Variants in CYGB observed in about 807,000 individuals in gnomAD.
CYGB encodes the protein cytoglobin.
A neutral mutation model predicts 20.7 loss-of-function variants in CYGB; 13 were observed. The ratio of observed to expected loss-of-function variants is 0.63; its 90% CI spans 0.41 to 1.00. CYGB has a LOEUF of 1.00. Ranked by LOEUF, CYGB falls within the 50% of genes least tolerant of loss-of-function variation. The probability of loss-of-function intolerance (pLI) is 0.00; values close to 1 mark genes in which losing one functional copy is unlikely to be tolerated. For missense variants in CYGB, 218 were observed against 257.2 expected, an observed-to-expected ratio of 0.85 and a Z score of 1.04; for synonymous variants, 93 against 107.4, an observed-to-expected ratio of 0.87 and a Z score of 0.83.
chr17:76,532,278 G>A (rs557531140), intron 1 of CYGB, among the ~76,000 whole-genome samples: 18 of 152,264 alleles, frequency 1.2e-4, no homozygotes, highest in Admixed American at 4.6e-4. Flanking sequence ...CTGGCTCAGC[G>A]GCTTTACTTA....
intron 1 of CYGB, among the ~76,000 whole-genome samples, chr17:76,534,176 CTT>C (rs549304283): frequency 0.047 from 5,850 of 125,088 alleles, 116 homozygotes; most frequent in Middle Eastern, 0.074. Flanking sequence ...CTCTCTCTCT[CTT>C]TCTTTCTTTC....
At chr17:76,538,378 G>C (rs2074947685), upstream of CYGB, 1 of 372,828 alleles carries the variant, frequency 2.7e-6, no homozygotes, top group East Asian at 1.0e-4. Flanking sequence ...CGGAACTTGA[G>C]CGCACCTCCG....
intron 3 of CYGB, chr17:76,529,719 T>A: frequency 1.0e-6 from 1 of 984,938 alleles, no homozygotes; most frequent in Non-Finnish European, 1.2e-6. Context: ...TGACAGCTGG[T>A]GGGGGGTGAG....
chr17:76,540,949 C>G (rs965946585), upstream of CYGB, among the ~76,000 whole-genome samples: 1 of 152,230 alleles, frequency 6.6e-6, no homozygotes, highest in African/African-American at 2.4e-5. This position sits in a 1 kb window ranked among gnomAD's most constrained non-coding sequence, Gnocchi z 5.0. Flanking sequence ...TGCCCCCGCC[C>G]TGCCTCAGCT....
In CYGB at chr17:76,530,193, C is replaced by T. The variant is rs1302993883; in HGVS notation, c.539+786G>A. On this transcript the variant is annotated intron_variant, in intron 3 of 3. Coordinates refer to ENST00000293230, the MANE Select transcript of CYGB (RefSeq NM_134268.5). The surrounding 1 kb of genome is among the most constrained non-coding windows in gnomAD (Gnocchi z 6.1). Reference sequence around the variant, plus strand: ...GCTTCCCATTCCCGCCTCCGCTCCTCTCCTCCTTCCTACTCCAGCCCTGCC... The same window carrying T: ...GCTTCCCATTCCCGCCTCCGCTCCTTTCCTCCTTCCTACTCCAGCCCTGCC... Among the ~76,000 whole-genome samples, 1 of 152,166 alleles carries T rather than the reference C, an allele frequency of 6.6e-6. No individual in the cohort carries two copies. Among genetic ancestry groups the T allele is most frequent in the Non-Finnish European group, 1.5e-5 (1 of 68,020 alleles).
rs1314178344 is a variant in CYGB, at chr17:76,527,953, C to T, written c.*625G>A. 1 of 378,102 alleles carries T rather than the reference C, an allele frequency of 2.6e-6. No homozygotes were observed. The highest frequency in any genetic ancestry group is 2.1e-5 in the African/African-American group (1 of 47,834). The allele number at this position is 378,102 out of a possible 1,614,324, so 23.4% of individuals were successfully genotyped here. A position where few individuals can be genotyped will look rare whatever the true frequency, so the allele number is the denominator to read the frequency against. On this transcript the variant is annotated 3_prime_UTR_variant, in exon 4 of 4. Transcript: ENST00000293230. The stretch of plus-strand genomic sequence containing the variant: ...GGGCTTTGCCGCCAAGCCGGGTTGC[C>T]CCAGCCCTGCCCCTCCAGGCCCAGG...
At position 76,531,354 on chromosome 17, in the gene CYGB, C is replaced by T. The variant is rs2074839556; in HGVS notation, c.375+106G>A. On this transcript the variant is annotated intron_variant, in intron 2 of 3. Transcript: ENST00000293230. This position sits in a 1 kb window ranked among gnomAD's most constrained non-coding sequence, Gnocchi z 7.4. The stretch of plus-strand genomic sequence containing the variant: ...ACTGCCCCTCCCTCTCGCAGCCACT[C>T]CGGGGATCACCTCTGTTGCTCCAGA... 7.1e-7 allele frequency: 1 copy of T among 1,409,480 alleles called. No homozygotes were observed. The highest frequency in any genetic ancestry group is 1.3e-5 in the South Asian group (1 of 75,048). The allele number at this position is 1,409,480 out of a possible 1,614,324, so 87.3% of individuals were successfully genotyped here. A position where few individuals can be genotyped will look rare whatever the true frequency, so the allele number is the denominator to read the frequency against.
At chr17:76,547,977 C>T (rs1364846910) in intron 1 of CYGB, among the ~76,000 whole-genome samples, 1 of 151,702 alleles carries the variant, frequency 6.6e-6, no homozygotes, top group Non-Finnish European at 1.5e-5. Context: ...CATAAACATA[C>T]ACATACATAC....
At chr17:76,532,865 G>T (rs535403989) in intron 1 of CYGB, among the ~76,000 whole-genome samples, 6 of 152,240 alleles carry the variant, frequency 3.9e-5, no homozygotes, top group African/African-American at 1.4e-4. Context: ...TCCCCTCCCT[G>T]TCGGGGCTGG....
chr17:76,542,541 T>C (rs2075004411), upstream of CYGB: 1 of 1,614,136 alleles, frequency 6.2e-7, no homozygotes. Context: ...CCCAGTGCTT[T>C]CCTCTGTTTA....
chr17:76,540,266 T>TGGGGGGGGGGGGGG (rs2074974709), upstream of CYGB: 1 of 343,106 alleles, frequency 2.9e-6, no homozygotes. The surrounding 1 kb of genome is among the most constrained non-coding windows in gnomAD (Gnocchi z 5.0). Context: ...GGGGGGGGCA[T>TGGGGGGGGGGGGGG]GGGGCTGGGC....
Position 76,531,880 on chromosome 17 carries a change from A to G in CYGB, c.144-189T>C. On this transcript the variant is annotated intron_variant, in intron 1 of 3. Coordinates refer to ENST00000293230, the MANE Select transcript of CYGB (RefSeq NM_134268.5). This position sits in a 1 kb window ranked among gnomAD's most constrained non-coding sequence, Gnocchi z 7.4. Reference sequence around the variant, plus strand: ...CCTCTGGCCAAGCCGGCTCACCCCTACCAAGTCTGGCCATGTCTATCTGCC... The same window carrying G: ...CCTCTGGCCAAGCCGGCTCACCCCTGCCAAGTCTGGCCATGTCTATCTGCC... 1.8e-6 allele frequency: 1 copy of G among 551,248 alleles called. No homozygotes were observed. Among genetic ancestry groups the G allele is most frequent in the South Asian group, 2.4e-5 (1 of 42,410 alleles). The allele number at this position is 551,248 out of a possible 1,614,324, so 34.1% of individuals were successfully genotyped here.
At chr17:76,529,048 C>CCCCCA (rs2143066581) in intron 3 of CYGB, 2 of 431,364 alleles carry the variant, frequency 4.6e-6, no homozygotes, top group Non-Finnish European at 6.0e-6. Context: ...CATTGCGCCC[C>CCCCCA]CCCCCCACCC....
chr17:76,549,709 GATAT>G (rs1282863927), intron 1 of CYGB, among the ~76,000 whole-genome samples: 1 of 152,166 alleles, frequency 6.6e-6, no homozygotes, highest in Non-Finnish European at 1.5e-5. Context: ...AACACACTGA[GATAT>G]ATAAAGATAG....
chr17:76,547,665 ATT>A (rs1309754599), intron 1 of CYGB, among the ~76,000 whole-genome samples: 17 of 143,678 alleles, frequency 1.2e-4, no homozygotes, highest in African/African-American at 4.5e-4. Flanking sequence ...ACACACACAT[ATT>A]CACACACAGA....
chr17:76,529,396 T>TCGGC (rs2074806908), intron 3 of CYGB: 2 of 985,134 alleles, frequency 2.0e-6, no homozygotes, highest in South Asian at 9.4e-5. Flanking sequence ...GGAGGAGACT[T>TCGGC]CGGCCGTTTC....
chr17:76,544,839 C>G, intron 1 of CYGB: 1 of 456,800 alleles, frequency 2.2e-6, no homozygotes, highest in Non-Finnish European at 4.4e-6. Flanking sequence ...ATTGTCAGGC[C>G]AAGGTCATGG....
rs942770298 is a variant in CYGB at position 76,529,207 on chromosome 17, G to A, written c.540-596C>T. ...CTCCATCCTACCCTCGAGCCCATGG[G>A]GACCCTGGCAGCAGGGAGGCTCTGC... is the stretch of plus-strand genomic sequence containing the variant. On this transcript the variant is annotated intron_variant, in intron 3 of 3. Coordinates refer to ENST00000293230, the MANE Select transcript of CYGB (RefSeq NM_134268.5). The A allele has an allele frequency of 1.2e-4, 117 of 985,412 alleles. No individual in the cohort carries two copies. The Middle Eastern group carries it at 1.6e-3, about 13-fold the overall frequency. 61.0% of individuals were successfully genotyped at this position (985,412 alleles called of 1,614,324 possible).
In CYGB at chr17:76,531,640, G is replaced by A. The variant is rs372414014; in HGVS notation, c.195C>T (p.His65=). 3.7e-6 allele frequency: 6 copies of A among 1,611,088 alleles called. No individual in the cohort carries two copies. The highest frequency in any genetic ancestry group is 1.3e-5 in the African/African-American group (1 of 74,988). ...GCTCCATCTCCAGGGGATCCTCCAT[G>A]TGCTTGAACTGGCTGAAGTACTGCT... ...SAKQYFSQFK[H]MEDPLEMERS... is the part of the protein sequence containing the mutation. The change falls in exon 2 of 4, where the codon CAC becomes CAT. Residue 65 remains histidine (H), a synonymous_variant. Coordinates refer to ENST00000293230, the MANE Select transcript of CYGB (RefSeq NM_134268.5). This position sits in a 1 kb window ranked among gnomAD's most constrained non-coding sequence, Gnocchi z 7.4.
Sources: allele counts gnomAD v4.1 joint callset (sites outside exome capture counted in the v4.1 genomes callset), GRCh38; gene constraint gnomAD v4.1.1; non-coding constraint Gnocchi (gnomAD v3.1); transcripts MANE v1.5; gene names NCBI Gene and HGNC (gene_info 2026-07-23, HGNC 2026-07-21).